Variants in TBC1D22A observed in about 807,000 individuals in gnomAD.
The protein encoded by TBC1D22A is TBC1 domain family member 22A, also known as putative GTPase activator.
Under a neutral mutation model 60.2 loss-of-function variants are expected in TBC1D22A, and 38 were observed. The observed-to-expected ratio is 0.63, with a 90% CI of 0.49 to 0.83. The LOEUF is 0.83. Among genes scored for constraint, TBC1D22A ranks in the 40% least tolerant of loss-of-function variants. The pLI is 0.00. For synonymous variants in TBC1D22A, 302 were observed against 281.7 expected (o/e 1.07, Z -0.72); for missense variants, 628 against 701.0 (o/e 0.90, Z 1.18).
At chr22:46,830,715 G>T (rs1378601720) in intron 4 of TBC1D22A, among the ~76,000 whole-genome samples, 4 of 152,188 alleles carry the variant, frequency 2.6e-5, no homozygotes, top group Non-Finnish European at 5.9e-5. Flanking sequence ...CTGCTACTCA[G>T]AGCACTTGAA....
At chr22:46,768,240 T>C (rs984098698) in intron 1 of TBC1D22A, 2 of 152,200 alleles carry the variant, frequency 1.3e-5, no homozygotes, top group African/African-American at 4.8e-5. Context: ...ATCCCAGCAC[T>C]TTGGGAGGCT....
intron 4 of TBC1D22A, among the ~76,000 whole-genome samples, chr22:46,807,679 G>C (rs988371318): frequency 6.6e-6 from 1 of 152,146 alleles, no homozygotes; most frequent in African/African-American, 2.4e-5. Context: ...AGAAACTGAG[G>C]CTTAGAAATG....
At chr22:46,793,998 G>A in intron 3 of TBC1D22A, among the ~76,000 whole-genome samples, 157 bp downstream of exon 3, 1 of 152,208 alleles carries the variant, frequency 6.6e-6, no homozygotes, top group East Asian at 1.9e-4. Context: ...CCAAGGGTAG[G>A]GGAGTGGCCT....
chr22:46,962,596 G>A (rs1184861784), intron 8 of TBC1D22A, among the ~76,000 whole-genome samples: 2 of 152,204 alleles, frequency 1.3e-5, no homozygotes, highest in Non-Finnish European at 2.9e-5. Context: ...TGTTTGAAAC[G>A]ATGCCAGCGT....
intron 12 of TBC1D22A, among the ~76,000 whole-genome samples, chr22:47,127,221 CT>C (rs1324001594): frequency 7.5e-6 from 1 of 133,846 alleles, no homozygotes; most frequent in Non-Finnish European, 1.5e-5. Flanking sequence ...CTTTTTTTTT[CT>C]TTTTCTCTTT....
chr22:46,915,633 C>G, intron 8 of TBC1D22A: 2 of 456,670 alleles, frequency 4.4e-6, no homozygotes, highest in Non-Finnish European at 8.8e-6. Context: ...CCCAGTTAAT[C>G]AAAGGTTTAA....
chr22:46,977,675 A>G (rs2074356244), intron 9 of TBC1D22A, among the ~76,000 whole-genome samples: 2 of 152,214 alleles, frequency 1.3e-5, no homozygotes, highest in Non-Finnish European at 2.9e-5. Context: ...CAGTTCCACA[A>G]GCTGTACAGG....
rs6008031 is a variant in TBC1D22A at position 47,047,857 on chromosome 22, T to C, written c.1329+10659T>C. Among the ~76,000 whole-genome samples, 1,400 of 152,284 alleles carry C rather than the reference T, an allele frequency of 9.2e-3. 27 individuals carry two copies. The highest frequency in any genetic ancestry group is 0.032 in the African/African-American group (1,339 of 41,570). ...CTACTCCTTGCCTTTGCTCGAGCTG[T>C]GCCCTGTTTTCTGCTGCAGACTCTG... On this transcript the variant is annotated intron_variant, in intron 11 of 12. Transcript: ENST00000337137.
At chr22:46,823,715 G>A (rs377129095) in intron 4 of TBC1D22A, among the ~76,000 whole-genome samples, 2 of 152,344 alleles carry the variant, frequency 1.3e-5, no homozygotes, top group Admixed American at 1.3e-4. Flanking sequence ...TCTTCTCATG[G>A]TCACTGCTGG....
chr22:46,917,319 G>A (rs1425058736), intron 8 of TBC1D22A, among the ~76,000 whole-genome samples: 1 of 152,158 alleles, frequency 6.6e-6, no homozygotes, highest in Non-Finnish European at 1.5e-5. Flanking sequence ...AGACACTGAG[G>A]GGTACAGGAG....
intron 1 of TBC1D22A, among the ~76,000 whole-genome samples, chr22:46,776,849 A>G (rs940308326): frequency 6.6e-6 from 1 of 152,124 alleles, no homozygotes; most frequent in Non-Finnish European, 1.5e-5. Flanking sequence ...GACACTGCAC[A>G]GGCCTCATAG....
At chr22:46,880,508 C>T (rs2067799188) in intron 5 of TBC1D22A, among the ~76,000 whole-genome samples, 1 of 152,130 alleles carries the variant, frequency 6.6e-6, no homozygotes, top group Admixed American at 6.5e-5. Context: ...CACATGTAGT[C>T]CTTTAACCAT....
At chr22:46,822,456 C>T (rs144456334) in intron 4 of TBC1D22A, among the ~76,000 whole-genome samples, 11 of 152,068 alleles carry the variant, frequency 7.2e-5, no homozygotes, top group Admixed American at 2.6e-4. Context: ...ATGTTGTTGT[C>T]GCTTTCTGCC....
chr22:46,803,731 G>A (rs1360284938), intron 4 of TBC1D22A, among the ~76,000 whole-genome samples: 1 of 152,220 alleles, frequency 6.6e-6, no homozygotes, highest in Non-Finnish European at 1.5e-5. Flanking sequence ...TTGCCCTGGC[G>A]TCTCATCAGG....
chr22:46,808,601 CTT>C (rs1042477345), intron 4 of TBC1D22A, among the ~76,000 whole-genome samples: 1 of 145,094 alleles, frequency 6.9e-6, no homozygotes. Context: ...GTTTAGCCAG[CTT>C]TTTTTTTTTG....
intron 4 of TBC1D22A, among the ~76,000 whole-genome samples, chr22:46,821,171 G>A (rs766108458): frequency 1.3e-5 from 2 of 151,454 alleles, no homozygotes; most frequent in Admixed American, 6.6e-5. Flanking sequence ...ACACTGATGA[G>A]TCTTTACTCC....
At chr22:47,087,699 A>G (rs1052941859) in intron 11 of TBC1D22A, among the ~76,000 whole-genome samples, 6 of 152,300 alleles carry the variant, frequency 3.9e-5, no homozygotes, top group Middle Eastern at 3.4e-3. Flanking sequence ...TAGAGGAACC[A>G]CAAATTCTAA....
intron 9 of TBC1D22A, among the ~76,000 whole-genome samples, chr22:46,992,345 C>T (rs1343706786): frequency 6.6e-6 from 1 of 152,260 alleles, no homozygotes; most frequent in Admixed American, 6.5e-5. Context: ...ATTAGAGACT[C>T]AGCACCGAGG....
In TBC1D22A at chr22:46,797,501, C is replaced by T. The variant is rs1437638532; in HGVS notation, c.518C>T (p.Thr173Ile). The change falls in exon 4 of 13, where the codon ACC (threonine) becomes ATC (isoleucine). Residue 173 changes from threonine to isoleucine, a missense_variant. By Grantham distance (89) the Thr-to-Ile change is moderately conservative. Coordinates refer to ENST00000337137, the MANE Select transcript of TBC1D22A (RefSeq NM_014346.5). ...QRSQSLPHSA[T>I]VTLGGTSDPS... The stretch of plus-strand genomic sequence containing the variant: ...TCCCAGTCTCTCCCACACTCGGCCA[C>T]CGTCACGCTGGGTGGCACATCTGAC... The T allele has an allele frequency of 1.2e-6, 2 of 1,613,882 alleles. No individual in the cohort carries two copies. The highest frequency in any genetic ancestry group is 3.3e-5 in the Admixed American group (2 of 60,004).
Sources: gnomAD v4.1 joint callset for allele counts (sites outside exome capture counted in the v4.1 genomes callset) on GRCh38, gnomAD v4.1.1 for gene constraint, MANE v1.5 for transcripts, NCBI Gene and HGNC (gene_info 2026-07-23, HGNC 2026-07-21) for gene names.